JMJD1C: variants seen among roughly 807,000 people sequenced by gnomAD.
The protein encoded by JMJD1C is jumonji domain containing 1C.
In JMJD1C, 31 loss-of-function variants were observed where a neutral mutation model predicts 245.3. The observed-to-expected ratio is 0.13, with a 90% CI of 0.09 to 0.17. JMJD1C has a LOEUF of 0.17. Among genes scored for constraint, JMJD1C ranks in the 10% least tolerant of loss-of-function variants. The pLI, the probability that JMJD1C is intolerant of heterozygous loss-of-function variation, is 1.00. For synonymous variants in JMJD1C, 1,057 were observed against 1,017.4 expected, an observed-to-expected ratio of 1.04 and a Z score of -0.74; for missense variants, 2,691 against 3,000.2, an observed-to-expected ratio of 0.90 and a Z score of 2.41.
intron 1 of JMJD1C, among the ~76,000 whole-genome samples, chr10:63,451,167 G>A (rs1324443069): frequency 6.6e-6 from 1 of 152,156 alleles, no homozygotes; most frequent in Non-Finnish European, 1.5e-5. Flanking sequence ...TGTGTTTGTG[G>A]ATCAGAAAAT....
At chr10:63,318,366 C>T (rs1262550166) in intron 2 of JMJD1C, among the ~76,000 whole-genome samples, 4 of 152,120 alleles carry the variant, frequency 2.6e-5, no homozygotes, top group Non-Finnish European at 4.4e-5. Flanking sequence ...ATCTTGAAAT[C>T]ACCATCCAGT....
chr10:63,507,643 T>TTAAAAAAAAA (rs1228395781), intron 1 of JMJD1C, among the ~76,000 whole-genome samples: 1 of 956 alleles, frequency 1.0e-3, no homozygotes. Flanking sequence ...AGACTCTGTC[T>TTAAAAAAAAA]CAAAAAAAAA....
intron 1 of JMJD1C, among the ~76,000 whole-genome samples, chr10:63,484,367 C>T (rs1953926744): frequency 6.6e-6 from 1 of 152,124 alleles, no homozygotes; most frequent in African/African-American, 2.4e-5. Context: ...TAATGGACTT[C>T]GTATTTTTTG....
intron 1 of JMJD1C, among the ~76,000 whole-genome samples, chr10:63,392,865 T>TAAACACAC (rs916816485): frequency 3.8e-5 from 1 of 26,312 alleles, no homozygotes; most frequent in Non-Finnish European, 7.4e-5. Flanking sequence ...AAAAAGTACA[T>TAAACACAC]AAACACACAC....
At chr10:63,467,753 G>A (rs1366932080), upstream of JMJD1C, among the ~76,000 whole-genome samples, 1 of 152,180 alleles carries the variant, frequency 6.6e-6, no homozygotes, top group African/African-American at 2.4e-5. Flanking sequence ...TTCAACATAT[G>A]TAAGGATAAA....
intron 2 of JMJD1C, among the ~76,000 whole-genome samples, chr10:63,333,578 TG>T (rs1464400000): frequency 6.6e-6 from 1 of 152,132 alleles, no homozygotes; most frequent in African/African-American, 2.4e-5. Context: ...ACACTATTAC[TG>T]ACCATAAATG....
intron 20 of JMJD1C, 128 bp from the exon 21 acceptor site, chr10:63,184,866 G>T: frequency 1.2e-6 from 1 of 808,196 alleles, no homozygotes; most frequent in Non-Finnish European, 1.9e-6. Flanking sequence ...AATTTTCCTT[G>T]ACTCAAGTGA....
Position 63,209,723 on chromosome 10 carries a change from T to C in JMJD1C, c.2695-488A>G, listed in dbSNP as rs1292965539. Among the ~76,000 whole-genome samples, 4 of 152,214 alleles carry C rather than the reference T, an allele frequency of 2.6e-5. No individual in the cohort carries two copies. In the East Asian group the frequency reaches 7.7e-4, roughly 29 times the overall value. On this transcript the variant is annotated intron_variant, in intron 8 of 25. Transcript: ENST00000399262. The stretch of plus-strand genomic sequence containing the variant: ...TACTGACAATTGGCAGATAATTACA[T>C]TTCAAAACCCAAATGCACTCCCCAT...
chr10:63,385,673 T>C (rs902425666), intron 1 of JMJD1C, among the ~76,000 whole-genome samples: 1 of 151,966 alleles, frequency 6.6e-6, no homozygotes, highest in South Asian at 2.1e-4. Context: ...CTCAAACTCC[T>C]GGCCTCAAGC....
chr10:63,220,491 T>A (rs1370208654), intron 3 of JMJD1C, among the ~76,000 whole-genome samples: 1 of 152,252 alleles, frequency 6.6e-6, no homozygotes, highest in Non-Finnish European at 1.5e-5. Flanking sequence ...ATCTGACCAG[T>A]AATTTTGCTG....
chr10:63,189,322 G>A lies in JMJD1C; in HGVS notation c.6416C>T (p.Pro2139Leu). The A allele has an allele frequency of 6.2e-7, 1 of 1,613,692 alleles. No individual in the cohort carries two copies. Among genetic ancestry groups the A allele is most frequent in the Non-Finnish European group, 8.5e-7 (1 of 1,179,850 alleles). ...INVKPELKEE[P>L]EESIISAVDE... ...CACTGCAGATATTATGCTTTCTTCA[G>A]GCTCTTCTTTAAGCTCTGGTTTTAC... The change falls in exon 18 of 26, where the codon CCT (proline) becomes CTT (leucine). Residue 2139 changes from proline (P) to leucine (L), a missense_variant. Physicochemically the swap from Pro to Leu is moderately conservative, Grantham distance 98. Transcript: ENST00000399262.
At chr10:63,349,681 T>A (rs957022029) in intron 2 of JMJD1C, among the ~76,000 whole-genome samples, 16 of 152,162 alleles carry the variant, frequency 1.1e-4, no homozygotes, top group African/African-American at 3.9e-4. Flanking sequence ...TTTTTAGAGA[T>A]TTAATTAGCA....
intron 2 of JMJD1C, among the ~76,000 whole-genome samples, chr10:63,347,947 T>C (rs1943999859): frequency 6.6e-6 from 1 of 152,100 alleles, no homozygotes; most frequent in Non-Finnish European, 1.5e-5. Context: ...GTGCAATAGA[T>C]CATGCCTATA....
intron 1 of JMJD1C, among the ~76,000 whole-genome samples, chr10:63,442,640 C>G (rs1951458853): frequency 6.6e-6 from 1 of 152,180 alleles, no homozygotes; most frequent in Non-Finnish European, 1.5e-5. Flanking sequence ...CCATACATTT[C>G]TTGCCTCCAA....
intron 1 of JMJD1C, among the ~76,000 whole-genome samples, chr10:63,490,770 T>C (rs75754614): frequency 0.013 from 2,029 of 152,314 alleles, 30 homozygotes; most frequent in African/African-American, 0.034. Flanking sequence ...AATGAAAGCT[T>C]CTTGAGGGCA....
At chr10:63,510,664 T>C (rs953531470) in intron 1 of JMJD1C, among the ~76,000 whole-genome samples, 5 of 152,232 alleles carry the variant, frequency 3.3e-5, no homozygotes, top group Admixed American at 2.0e-4. Context: ...ATGTGTAATC[T>C]GCTGTTATTT....
At chr10:63,421,369 T>C (rs1192665011) in intron 1 of JMJD1C, among the ~76,000 whole-genome samples, 1 of 152,064 alleles carries the variant, frequency 6.6e-6, no homozygotes, top group Non-Finnish European at 1.5e-5. Context: ...GGCAAAACTA[T>C]ATAGAGCAAA....
At chr10:63,222,767 A>C in intron 3 of JMJD1C, 1 of 1,492,522 alleles carries the variant, frequency 6.7e-7, no homozygotes, top group East Asian at 2.3e-5. Context: ...AACTGAAACT[A>C]ATTTGGAAGT....
chr10:63,442,617 TTC>T lies in JMJD1C; in HGVS notation c.168+22876_168+22877del, dbSNP rs573034887. On this transcript the variant is annotated intron_variant, in intron 1 of 25. Transcript: ENST00000399262. ...GATGGCATAAAAATGTGGCAAGTGT[TTC>T]TGTTTCCATGCCATACATTTCTTGC... 2.3e-3 allele frequency among the ~76,000 whole-genome samples: 349 copies of T among 152,300 alleles called. 1 individual carries two copies. The highest frequency in any genetic ancestry group is 3.6e-3 in the Non-Finnish European group (243 of 68,028).
Sources: gnomAD v4.1 joint callset for allele counts (sites outside exome capture counted in the v4.1 genomes callset) on GRCh38, gnomAD v4.1.1 for gene constraint, MANE v1.5 for transcripts, NCBI Gene and HGNC (gene_info 2026-07-23, HGNC 2026-07-21) for gene names.